The following SUZ12 variants were observed in gnomAD, a reference collection of about 807,000 sequenced individuals.
SUZ12 encodes polycomb protein SUZ12.
Under a neutral mutation model 87.3 loss-of-function variants are expected in SUZ12, and 17 were observed. The observed-to-expected ratio is 0.19, with a 90% confidence interval of 0.13 to 0.29. SUZ12 has a LOEUF of 0.29. SUZ12 is among the 10% of genes least tolerant of loss of function. SUZ12 has a pLI of 1.00. For missense variants in SUZ12, 526 were observed against 912.2 expected (o/e 0.58, Z 5.45); for synonymous variants, 253 against 312.4 (o/e 0.81, Z 2.01).
chr17:31,988,898 G>A (rs1048679034), intron 10 of SUZ12, among the ~76,000 whole-genome samples: 4 of 151,298 alleles, frequency 2.6e-5, no homozygotes, highest in Admixed American at 1.3e-4. Flanking sequence ...GTGAAACACC[G>A]TCCCTACTAA....
chr17:31,999,080 G>C lies in SUZ12; in HGVS notation c.*77G>C. On this transcript the variant is annotated 3_prime_UTR_variant, in exon 16 of 16. Transcript: ENST00000322652. Reference sequence around the variant, plus strand: ...TTCATCCTCTAAGAATTATGTTTTTGTTTTTAATCATATGTTCCAAACAGG... The same window carrying C: ...TTCATCCTCTAAGAATTATGTTTTTCTTTTTAATCATATGTTCCAAACAGG... 5.5e-6 allele frequency: 7 copies of C among 1,282,730 alleles called. No homozygotes were observed. The highest frequency in any genetic ancestry group is 7.3e-6 in the Non-Finnish European group (7 of 959,120). 79.5% of individuals were successfully genotyped at this position (1,282,730 alleles called of 1,614,324 possible).
intron 10 of SUZ12, 40 bp downstream of exon 10, chr17:31,988,537 T>G: frequency 1.3e-6 from 2 of 1,545,226 alleles, no homozygotes; most frequent in Non-Finnish European, 1.7e-6. Flanking sequence ...AATAATGGTT[T>G]GCAGAGTTAG....
chr17:31,995,443 T>G, intron 13 of SUZ12, 121 bp from the exon 14 acceptor site: 1 of 736,232 alleles, frequency 1.4e-6, no homozygotes, highest in South Asian at 1.8e-5. Flanking sequence ...AATACTATTG[T>G]TTTATGGTTA....
At position 31,998,592 on chromosome 17, in the gene SUZ12, G is replaced by A. The variant is rs1366513878; in HGVS notation, c.1875-66G>A. ...AATTGGATATAGTCTTATTATAATG[G>A]TTATCACTGTTGCATTTGACAAAAA... On this transcript the variant is annotated intron_variant, in intron 15 of 15. Transcript: ENST00000322652. The A allele has an allele frequency of 2.7e-6, 3 of 1,128,478 alleles. No homozygotes were observed. In the African/African-American group the frequency reaches 4.7e-5, roughly 18 times the overall value. The allele number at this position is 1,128,478 out of a possible 1,614,324, so 69.9% of individuals were successfully genotyped here. A position where few individuals can be genotyped will look rare whatever the true frequency, so the allele number is the denominator to read the frequency against.
At chr17:31,958,619 A>C (rs1293831399) in intron 4 of SUZ12, among the ~76,000 whole-genome samples, 3 of 152,162 alleles carry the variant, frequency 2.0e-5, no homozygotes, top group Non-Finnish European at 4.4e-5. Context: ...AGGTCAAGGC[A>C]GGCGGATCAT....
intron 4 of SUZ12, among the ~76,000 whole-genome samples, chr17:31,953,387 A>G (rs527556923): frequency 6.6e-6 from 1 of 152,124 alleles, no homozygotes; most frequent in Non-Finnish European, 1.5e-5. Flanking sequence ...CTGGGATTAC[A>G]GGTGTGAGCC....
chr17:31,989,723 T>C (rs998324787), intron 10 of SUZ12, among the ~76,000 whole-genome samples: 3 of 147,954 alleles, frequency 2.0e-5, no homozygotes, highest in Admixed American at 6.7e-5. Context: ...CTCAGCCTCC[T>C]GAGTAGCTGG....
chr17:31,960,306 G>A (rs956823269), intron 4 of SUZ12, among the ~76,000 whole-genome samples: 3 of 152,076 alleles, frequency 2.0e-5, no homozygotes, highest in African/African-American at 7.2e-5. Flanking sequence ...CGCCTCCCAG[G>A]TTTAAGCGAT....
chr17:31,994,076 C>A, intron 12 of SUZ12, 68 bp downstream of exon 12: 1 of 1,432,950 alleles, frequency 7.0e-7, no homozygotes, highest in Non-Finnish European at 9.3e-7. Context: ...ATATATACAT[C>A]TATGTACCCA....
At chr17:31,996,179 C>T (rs1034967665) in intron 14 of SUZ12, among the ~76,000 whole-genome samples, 1 of 152,186 alleles carries the variant, frequency 6.6e-6, no homozygotes, top group African/African-American at 2.4e-5. Context: ...CACTGCACTC[C>T]AGCCTGGGTG....
chr17:31,965,638 A>G (rs886410889), intron 4 of SUZ12: 6 of 152,336 alleles, frequency 3.9e-5, no homozygotes, highest in African/African-American at 1.4e-4. Flanking sequence ...GGAAGGTTGA[A>G]TTTCCATAGC....
At chr17:31,964,990 A>G (rs1343523636) in intron 4 of SUZ12, among the ~76,000 whole-genome samples, 1 of 151,604 alleles carries the variant, frequency 6.6e-6, no homozygotes, top group Non-Finnish European at 1.5e-5. Flanking sequence ...CTCAAAAAAA[A>G]GAAAAAGAGG....
At chr17:31,946,425 G>T (rs568484108) in intron 3 of SUZ12, among the ~76,000 whole-genome samples, 1 of 152,080 alleles carries the variant, frequency 6.6e-6, no homozygotes, top group Non-Finnish European at 1.5e-5. Flanking sequence ...CCAGCTACTC[G>T]GGAGGCTGAG....
At chr17:31,963,197 T>C (rs1477727456) in intron 4 of SUZ12, among the ~76,000 whole-genome samples, 1 of 152,236 alleles carries the variant, frequency 6.6e-6, no homozygotes, top group African/African-American at 2.4e-5. Flanking sequence ...CAGGCTGGAG[T>C]GCAGTGGCAC....
At chr17:31,989,926 A>G (rs1353523281) in intron 10 of SUZ12, among the ~76,000 whole-genome samples, 1 of 149,552 alleles carries the variant, frequency 6.7e-6, no homozygotes, top group Non-Finnish European at 1.5e-5. Flanking sequence ...TATGTTTTTT[A>G]TAACTCACAT....
chr17:31,998,855 G>T lies in SUZ12; in HGVS notation c.2072G>T (p.Gly691Val), dbSNP rs1272910292. 1 of 1,613,490 alleles carries T rather than the reference G, an allele frequency of 6.2e-7. No homozygotes were observed. Among genetic ancestry groups the T allele is most frequent in the Non-Finnish European group, 8.5e-7 (1 of 1,179,844 alleles). Residue 691 changes from glycine to valine, a missense_variant, in exon 16 of 16, where the codon GGG (glycine) becomes GTG (valine). This residue lies in a region of SUZ12 where 56 missense variants were observed against 56.6 expected (regional missense o/e 0.99). Coordinates refer to ENST00000322652, the MANE Select transcript of SUZ12 (RefSeq NM_015355.4). ...LREMQQKLEK[G>V]ESASPANEEI... ...GAAATGCAGCAAAAATTAGAAAAGG[G>T]GGAATCTGCTTCCCCTGCAAACGAA... is the stretch of plus-strand genomic sequence containing the variant.
intron 3 of SUZ12, among the ~76,000 whole-genome samples, chr17:31,941,508 C>T (rs1231798136): frequency 4.6e-5 from 7 of 150,640 alleles, no homozygotes; most frequent in South Asian, 4.2e-4. Context: ...CCACCCGCCT[C>T]GGCCTCCTAA....
intron 3 of SUZ12, among the ~76,000 whole-genome samples, chr17:31,947,112 T>G (rs1906683868): frequency 6.6e-6 from 1 of 152,202 alleles, no homozygotes; most frequent in Admixed American, 6.5e-5. Context: ...TTAGTAGACG[T>G]GTTAAGTGTT....
chr17:31,953,631 CT>C (rs1334992479), intron 4 of SUZ12, among the ~76,000 whole-genome samples: 1 of 151,654 alleles, frequency 6.6e-6, no homozygotes, highest in Non-Finnish European at 1.5e-5. Flanking sequence ...CAGTTTTGAA[CT>C]CCTATCCTCA....
Sources: gnomAD v4.1 joint callset for allele counts (sites outside exome capture counted in the v4.1 genomes callset) on GRCh38, gnomAD v4.1.1 for gene constraint, gnomAD v4.1.1 regional missense constraint, MANE v1.5 for transcripts, NCBI Gene and HGNC (gene_info 2026-07-23, HGNC 2026-07-21) for gene names.